CLGN: variants seen among roughly 807,000 people sequenced by gnomAD.
The protein encoded by CLGN is testis tissue sperm-binding protein Li 79P.
A neutral mutation model predicts 79.1 loss-of-function variants in CLGN; 62 were observed. The observed-to-expected ratio is 0.78, with a 90% CI of 0.64 to 0.97. The LOEUF is 0.97. CLGN is among the 50% of genes least tolerant of loss of function. The probability of loss-of-function intolerance (pLI) is 0.00; values close to 1 mark genes in which losing one functional copy is unlikely to be tolerated. For missense variants in CLGN, 647 were observed against 715.5 expected (o/e 0.90, Z 1.09); for synonymous variants, 225 against 224.7 (o/e 1.00, Z -0.01).
intron 9 of CLGN, 23 bp downstream of exon 9, chr4:140,396,069 A>G (rs775977000): frequency 8.1e-6 from 13 of 1,611,232 alleles, no homozygotes; most frequent in African/African-American, 1.3e-5. Flanking sequence ...TGAAATCGAC[A>G]TTTGAAGATG....
rs373685357 is a variant in CLGN at position 140,395,951 on chromosome 4, T to C, written c.1017A>G (p.Gly339=). Residue 339 remains glycine (G), a synonymous_variant, in exon 10 of 15, where the codon GGA becomes GGG. Transcript: ENST00000325617. ...KPDDWNEDTD[G]EWEAPQILNP... is the part of the protein sequence containing the mutation. ...TAAGAATCTGAGGTGCCTCCCATTC[T>C]CCATCCGTGTCTTCATTCCTTAGGA... is the stretch of plus-strand genomic sequence containing the variant. The C allele has an allele frequency of 5.6e-5, 90 of 1,597,882 alleles. No individual in the cohort carries two copies. Among genetic ancestry groups the C allele is most frequent in the Non-Finnish European group, 2.6e-5 (31 of 1,174,232 alleles).
chr4:140,419,541 G>T (rs949567498), intron 1 of CLGN, among the ~76,000 whole-genome samples: 3 of 151,952 alleles, frequency 2.0e-5, no homozygotes, highest in Non-Finnish European at 4.4e-5. Flanking sequence ...ATATATAAAT[G>T]CTGAGAAAAG....
At position 140,392,626 on chromosome 4, in the gene CLGN, A is replaced by G; in HGVS notation, c.1451T>C (p.Ile484Thr). Residue 484 changes from isoleucine to threonine, a missense_variant, in exon 12 of 15, where the codon ATA becomes ACA. Coordinates refer to ENST00000325617, the MANE Select transcript of CLGN (RefSeq NM_004362.3). ...LIYLVTAGVP[I>T]ALITSFCWPR... The stretch of plus-strand genomic sequence containing the variant: ...CCAACAAAATGAAGTAATTAATGCT[A>G]TTGGCACTCCTGCTGTCACAAGATA... The G allele has an allele frequency of 6.2e-7, 1 of 1,610,050 alleles. No individual in the cohort carries two copies. Among genetic ancestry groups the G allele is most frequent in the Non-Finnish European group, 8.5e-7 (1 of 1,178,658 alleles).
intron 6 of CLGN, among the ~76,000 whole-genome samples, chr4:140,401,650 T>G (rs772398129): frequency 6.6e-6 from 1 of 152,182 alleles, no homozygotes; most frequent in Non-Finnish European, 1.5e-5. Context: ...TGCTTTGTTA[T>G]GCTTCTCTAA....
rs751694520 is a variant in CLGN, at chr4:140,402,043, C to G, written c.443G>C (p.Gly148Ala). ...IVQYEVNFQD[G>A]IDCGGAYIKL... is the part of the protein sequence containing the mutation. ...AATGTATGCACCTCCACAATCAATA[C>G]CATCTTGAAAATTTACTTCATATCT... is the stretch of plus-strand genomic sequence containing the variant. The change falls in exon 6 of 15, where the codon GGT becomes GCT. Residue 148 changes from glycine (G) to alanine (A), a missense_variant. Transcript: ENST00000325617. 2 of 1,577,224 alleles carry G rather than the reference C, an allele frequency of 1.3e-6. No individual in the cohort carries two copies. The highest frequency in any genetic ancestry group is 1.7e-6 in the Non-Finnish European group (2 of 1,158,518).
chr4:140,406,017 G>T lies in CLGN; in HGVS notation c.344C>A (p.Ser115Tyr). The T allele has an allele frequency of 1.9e-6, 3 of 1,613,502 alleles. No homozygotes were observed. Among genetic ancestry groups the T allele is most frequent in the Non-Finnish European group, 2.5e-6 (3 of 1,179,668 alleles). Reference protein sequence around the residue: ...VPGDRGLVLKSRAKHHAISAV... With the variant: ...VPGDRGLVLKYRAKHHAISAV... ...AGATATTGCATGATGCTTTGCTCTA[G>T]ATTTTAATACCAGTCCTCTGTCACC... is the stretch of plus-strand genomic sequence containing the variant. The change falls in exon 5 of 15, where the codon TCT becomes TAT. Residue 115 changes from serine to tyrosine, a missense_variant. Ser to Tyr is a moderately radical substitution (Grantham distance 144). Transcript: ENST00000325617.
intron 7 of CLGN, 145 bp downstream of exon 7, chr4:140,400,212 C>T: frequency 1.8e-6 from 1 of 558,474 alleles, no homozygotes; most frequent in Non-Finnish European, 3.1e-6. Context: ...TCTACCCGTG[C>T]TGTCATTATA....
chr4:140,408,896 CATATATAT>C (rs1479830803), intron 4 of CLGN, among the ~76,000 whole-genome samples: 2 of 148,408 alleles, frequency 1.3e-5, no homozygotes, highest in African/African-American at 4.9e-5. Context: ...CACACACACA[CATATATAT>C]ACACACATAT....
intron 1 of CLGN, among the ~76,000 whole-genome samples, chr4:140,424,264 T>C (rs1228749562): frequency 1.3e-5 from 2 of 152,216 alleles, no homozygotes; most frequent in Non-Finnish European, 2.9e-5. Flanking sequence ...GAGACTTATT[T>C]GGCTCATTGT....
Position 140,426,809 on chromosome 4 carries a change from GTGTC to G in CLGN, c.-10+724_-10+727del, listed in dbSNP as rs1237523265. The stretch of plus-strand genomic sequence containing the variant: ...GATGCTATAAATAAAATCAGCGAAA[GTGTC>G]TGATTGATGGTAAACAGGCCTGGGG... On this transcript the variant is annotated intron_variant, in intron 1 of 14. Coordinates refer to ENST00000325617, the MANE Select transcript of CLGN (RefSeq NM_004362.3). 2.6e-5 allele frequency: 4 copies of G among 152,264 alleles called. No homozygotes were observed. The East Asian group carries it at 7.7e-4, about 29-fold the overall frequency. 9.4% of individuals were successfully genotyped at this position (152,264 alleles called of 1,614,324 possible). A position where few individuals can be genotyped will look rare whatever the true frequency, so the allele number is the denominator to read the frequency against.
At chr4:140,407,993 T>C (rs1224823788) in intron 4 of CLGN, among the ~76,000 whole-genome samples, 1 of 152,018 alleles carries the variant, frequency 6.6e-6, no homozygotes, top group Non-Finnish European at 1.5e-5. Flanking sequence ...CATAGACCAC[T>C]GGAACAGAAT....
rs1312734755 is a variant in CLGN, at chr4:140,393,757, T to A, written c.1365+69A>T. On this transcript the variant is annotated intron_variant, in intron 11 of 14. Coordinates refer to ENST00000325617, the MANE Select transcript of CLGN (RefSeq NM_004362.3). ...TTTGCATTTAAAAGAGCCATCTGAA[T>A]AACCTACAACCAAGACCAAGTATTA... The A allele has an allele frequency of 8.1e-6, 11 of 1,354,188 alleles. No individual in the cohort carries two copies. The East Asian group carries it at 1.7e-4, about 20-fold the overall frequency. The allele number at this position is 1,354,188 out of a possible 1,614,324, so 83.9% of individuals were successfully genotyped here.
Position 140,412,956 on chromosome 4 carries a change from A to G in CLGN, c.123T>C (p.Asn41=), listed in dbSNP as rs750075051. Residue 41 remains asparagine, a synonymous_variant, in exon 2 of 15, where the codon AAT becomes AAC. Coordinates refer to ENST00000325617, the MANE Select transcript of CLGN (RefSeq NM_004362.3). ...FEENSEEIDV[N]ESELSSEIKY... ...ATACCTCTGAGGAAAGTTCACTTTC[A>G]TTAACATCAATTTCTTCTGAATTTT... is the stretch of plus-strand genomic sequence containing the variant. The G allele has an allele frequency of 5.6e-6, 9 of 1,613,354 alleles. No individual in the cohort carries two copies. The South Asian group carries it at 7.7e-5, about 14-fold the overall frequency.
At chr4:140,396,056 A>G (rs1446435886) in intron 9 of CLGN, 36 bp downstream of exon 9, 3 of 1,610,594 alleles carry the variant, frequency 1.9e-6, no homozygotes, top group South Asian at 1.1e-5. Flanking sequence ...TGTAAGAAAC[A>G]TTTGAAATCG....
At chr4:140,417,045 T>C (rs1489261434) in intron 1 of CLGN, among the ~76,000 whole-genome samples, 1 of 150,784 alleles carries the variant, frequency 6.6e-6, no homozygotes, top group East Asian at 2.0e-4. Context: ...GCTGGTTCAA[T>C]ATACGCAAAT....
At chr4:140,399,538 T>C (rs550395338) in intron 7 of CLGN, among the ~76,000 whole-genome samples, 3 of 152,362 alleles carry the variant, frequency 2.0e-5, no homozygotes, top group African/African-American at 7.2e-5. Flanking sequence ...ACATCTGATA[T>C]TGAAGATGAA....
intron 8 of CLGN, among the ~76,000 whole-genome samples, chr4:140,396,926 CATATATATATAT>C (rs1274989691): frequency 9.0e-5 from 11 of 121,946 alleles, no homozygotes; most frequent in Admixed American, 9.0e-4. Flanking sequence ...TATATATACA[CATATATATATAT>C]ACACATAGCT....
Position 140,389,037 on chromosome 4 carries a change from A to T in CLGN, c.*187T>A. The T allele has an allele frequency of 1.8e-6, 1 of 559,052 alleles. No homozygotes were observed. Among genetic ancestry groups the T allele is most frequent in the Non-Finnish European group, 3.2e-6 (1 of 313,838 alleles). 34.6% of individuals were successfully genotyped at this position (559,052 alleles called of 1,614,324 possible). A position where few individuals can be genotyped will look rare whatever the true frequency, so the allele number is the denominator to read the frequency against. On this transcript the variant is annotated 3_prime_UTR_variant, in exon 15 of 15. Transcript: ENST00000325617. ...TGTGCCACTTTTATTCTAAATTCAA[A>T]GATGAGGTAACTTCAAAGTTGCTTC...
chr4:140,425,239 TA>T (rs1729542279), intron 1 of CLGN, among the ~76,000 whole-genome samples: 1 of 152,182 alleles, frequency 6.6e-6, no homozygotes, highest in South Asian at 2.1e-4. Flanking sequence ...CCCTTGCCCA[TA>T]AAAACTTCCT....
Sources: gnomAD v4.1 joint callset for allele counts (sites outside exome capture counted in the v4.1 genomes callset) on GRCh38, gnomAD v4.1.1 for gene constraint, MANE v1.5 for transcripts, NCBI Gene and HGNC (gene_info 2026-07-23, HGNC 2026-07-21) for gene names.